The following MED12L variants were observed in gnomAD, a reference collection of about 807,000 sequenced individuals.
MED12L encodes mediator of RNA polymerase II transcription subunit 12-like protein.
Under a neutral mutation model 281.3 loss-of-function variants are expected in MED12L, and 60 were observed. The ratio of observed to expected loss-of-function variants is 0.21; its 90% CI spans 0.17 to 0.26. The LOEUF (loss-of-function observed/expected upper bound fraction) is 0.26, where lower values mean the gene tolerates loss of function less well. Ranked by LOEUF, MED12L falls within the 10% of genes least tolerant of loss-of-function variation. The pLI is 1.00. For missense variants in MED12L, 2,146 were observed against 2,680.9 expected, an observed-to-expected ratio of 0.80 and a Z score of 4.41; for synonymous variants, 974 against 987.2, an observed-to-expected ratio of 0.99 and a Z score of 0.25.
intron 16 of MED12L, among the ~76,000 whole-genome samples, chr3:151,321,230 A>T (rs6784934): frequency 0.27 from 41,317 of 152,010 alleles, 5,922 homozygotes; most frequent in Non-Finnish European, 0.31. Context: ...ATCTTTTTTG[A>T]CAGTTTTTTT....
intron 39 of MED12L, among the ~76,000 whole-genome samples, chr3:151,407,862 G>A (rs896674840): frequency 3.3e-5 from 5 of 152,112 alleles, no homozygotes; most frequent in Admixed American, 2.0e-4. Flanking sequence ...AAATGGCCAC[G>A]TGATTTTTTT....
intron 17 of MED12L, among the ~76,000 whole-genome samples, chr3:151,351,155 T>A (rs1442568933): frequency 6.6e-6 from 1 of 152,198 alleles, no homozygotes; most frequent in East Asian, 1.9e-4. Flanking sequence ...GTTCCTAGAC[T>A]TTAGCAGGAT....
At chr3:151,109,524 T>C (rs762419982) in intron 2 of MED12L, among the ~76,000 whole-genome samples, 2 of 152,188 alleles carry the variant, frequency 1.3e-5, no homozygotes, top group Non-Finnish European at 2.9e-5. Flanking sequence ...GTGTGAGAGT[T>C]CTCCTTTCTC....
intron 16 of MED12L, among the ~76,000 whole-genome samples, chr3:151,308,522 T>C (rs565573820): frequency 6.5e-4 from 99 of 152,316 alleles, no homozygotes; most frequent in Non-Finnish European, 9.3e-4. Context: ...AAGTGACTTC[T>C]GGCCCTTAAA....
intron 16 of MED12L, among the ~76,000 whole-genome samples, chr3:151,331,219 G>C (rs1401641115): frequency 6.6e-6 from 1 of 152,142 alleles, no homozygotes; most frequent in Non-Finnish European, 1.5e-5. Context: ...ATTTCTATGT[G>C]TTTGTGCTTC....
chr3:151,420,924 C>T (rs1032261542), intron 43 of MED12L, among the ~76,000 whole-genome samples: 6 of 152,202 alleles, frequency 3.9e-5, no homozygotes, highest in African/African-American at 1.2e-4. Context: ...TGAGGACAAA[C>T]CTCTGCCATT....
chr3:151,201,113 A>G (rs534120216), intron 16 of MED12L: 2 of 152,358 alleles, frequency 1.3e-5, no homozygotes, highest in East Asian at 3.9e-4. Context: ...AACAATTTTT[A>G]TGTAATAAAG....
chr3:151,391,966 A>G (rs906691696), intron 38 of MED12L, among the ~76,000 whole-genome samples: 1 of 152,172 alleles, frequency 6.6e-6, no homozygotes, highest in African/African-American at 2.4e-5. Flanking sequence ...GCCACGGTCC[A>G]TGTGAATTTT....
Position 151,310,446 on chromosome 3 carries a change from C to T in MED12L, c.2251-39613C>T, listed in dbSNP as rs548761523. ...AAGCATTCAGCCCTTTTCACTGTGC[C>T]TACTCTTTGGGTGTTCAATACAACA... On this transcript the variant is annotated intron_variant, in intron 16 of 44. Transcript: ENST00000687756. Among the ~76,000 whole-genome samples the T allele has an allele frequency of 3.9e-5, 6 of 152,260 alleles. No homozygotes were observed. In the East Asian group the frequency reaches 1.2e-3, roughly 29 times the overall value.
chr3:151,150,214 G>A (rs749914765), intron 5 of MED12L, among the ~76,000 whole-genome samples: 1 of 152,190 alleles, frequency 6.6e-6, no homozygotes, highest in Non-Finnish European at 1.5e-5. Context: ...ATATTTGAAA[G>A]TCAAAATTAC....
At chr3:151,247,637 G>A (rs1262169978) in intron 16 of MED12L, among the ~76,000 whole-genome samples, 1 of 141,914 alleles carries the variant, frequency 7.0e-6, no homozygotes, top group African/African-American at 2.6e-5. Flanking sequence ...GGGAGGGATA[G>A]CATTGGGAGA....
At chr3:151,237,629 G>A (rs549406329) in intron 16 of MED12L, among the ~76,000 whole-genome samples, 3 of 152,180 alleles carry the variant, frequency 2.0e-5, no homozygotes, top group African/African-American at 7.2e-5. Flanking sequence ...GGGATTACAG[G>A]TGTGAGCCAC....
chr3:151,217,354 A>G (rs3821666), intron 16 of MED12L, among the ~76,000 whole-genome samples: 8,851 of 152,284 alleles, frequency 0.058, 780 homozygotes, highest in African/African-American at 0.19. Flanking sequence ...CTGCAGGTCC[A>G]GAACTCTGCT....
chr3:151,245,850 T>G (rs1268714283), intron 16 of MED12L, among the ~76,000 whole-genome samples: 2 of 151,478 alleles, frequency 1.3e-5, no homozygotes, highest in African/African-American at 2.4e-5. Context: ...GCAGACGACA[T>G]GATTGTATAT....
At chr3:151,216,522 C>T (rs187447167) in intron 16 of MED12L, among the ~76,000 whole-genome samples, 19 of 152,322 alleles carry the variant, frequency 1.2e-4, no homozygotes, top group Non-Finnish European at 2.6e-4. Flanking sequence ...TGCGTATTTT[C>T]CTTTCCCATA....
intron 39 of MED12L, among the ~76,000 whole-genome samples, chr3:151,398,535 C>G (rs183583390): frequency 6.6e-6 from 1 of 152,230 alleles, no homozygotes; most frequent in East Asian, 1.9e-4. Flanking sequence ...AACACAGTAC[C>G]TAGACAACAA....
chr3:151,416,942 G>A (rs1717632215), intron 43 of MED12L, among the ~76,000 whole-genome samples: 1 of 152,120 alleles, frequency 6.6e-6, no homozygotes, highest in Admixed American at 6.5e-5. Flanking sequence ...AATGTCATAT[G>A]CATAGCCATC....
chr3:151,203,412 T>C (rs1367507512), intron 16 of MED12L, among the ~76,000 whole-genome samples: 4 of 107,678 alleles, frequency 3.7e-5, no homozygotes, highest in African/African-American at 1.7e-4. Flanking sequence ...GTACCTAGCC[T>C]TTTTTTTTTT....
At chr3:151,232,339 C>T (rs957876774) in intron 16 of MED12L, among the ~76,000 whole-genome samples, 9 of 152,194 alleles carry the variant, frequency 5.9e-5, no homozygotes, top group African/African-American at 2.2e-4. Context: ...TTCTCTGCAA[C>T]CTTGCCAGCA....
Sources: gnomAD v4.1 joint callset for allele counts (sites outside exome capture counted in the v4.1 genomes callset) on GRCh38, gnomAD v4.1.1 for gene constraint, MANE v1.5 for transcripts, NCBI Gene and HGNC (gene_info 2026-07-23, HGNC 2026-07-21) for gene names.